The following VCL variants were observed in gnomAD, a reference collection of about 807,000 sequenced individuals.
The protein encoded by VCL is epididymis luminal protein 114.
A neutral mutation model predicts 125.7 loss-of-function variants in VCL; 47 were observed. The observed-to-expected ratio is 0.37, with a 90% CI of 0.30 to 0.48. The LOEUF (loss-of-function observed/expected upper bound fraction) is 0.48, where lower values mean the gene tolerates loss of function less well. Ranked by LOEUF, VCL falls within the 20% of genes least tolerant of loss-of-function variation. The pLI, the probability that VCL is intolerant of heterozygous loss-of-function variation, is 0.99. For missense variants in VCL, 1,069 were observed against 1,455.5 expected (o/e 0.73, Z 4.32); for synonymous variants, 458 against 514.6 (o/e 0.89, Z 1.49).
At chr10:74,013,407 TA>T (rs1221386320) in intron 1 of VCL, among the ~76,000 whole-genome samples, 2 of 152,170 alleles carry the variant, frequency 1.3e-5, no homozygotes, top group African/African-American at 4.8e-5. Flanking sequence ...TAAGTGTGAA[TA>T]AAAAAATAAA....
intron 10 of VCL, among the ~76,000 whole-genome samples, chr10:74,092,766 C>A (rs1839909069): frequency 1.3e-5 from 2 of 152,220 alleles, no homozygotes; most frequent in Admixed American, 1.3e-4. Flanking sequence ...AAAATGCAGA[C>A]CCCTTGACCC....
At chr10:74,078,285 TAGTA>T (rs1447016158) in intron 6 of VCL, among the ~76,000 whole-genome samples, 9 of 152,156 alleles carry the variant, frequency 5.9e-5, no homozygotes, top group Non-Finnish European at 1.3e-4. Flanking sequence ...TGGGTAAAAG[TAGTA>T]AGTGACTCAG....
intron 2 of VCL, among the ~76,000 whole-genome samples, chr10:74,051,357 T>C (rs950298041): frequency 3.3e-5 from 5 of 151,860 alleles, no homozygotes; most frequent in Admixed American, 6.6e-5. Flanking sequence ...CCGCCTCAGC[T>C]TCCCGAGTAG....
At chr10:74,111,622 G>T (rs1232780718) in intron 18 of VCL, among the ~76,000 whole-genome samples, 1 of 152,154 alleles carries the variant, frequency 6.6e-6, no homozygotes, top group African/African-American at 2.4e-5. Context: ...GTATATTAAA[G>T]AAATGGATGC....
rs187999797 is a variant in VCL at position 74,009,228 on chromosome 10, C to G, written c.168+10853C>G. On this transcript the variant is annotated intron_variant, in intron 1 of 21. Transcript: ENST00000211998. Reference sequence around the variant, plus strand: ...GTGGCTGCTGCTTTCCCCCCCCCCCCCCGAGCCATTTTAGTATTTAATTCT... The same window carrying G: ...GTGGCTGCTGCTTTCCCCCCCCCCCGCCGAGCCATTTTAGTATTTAATTCT... Among the ~76,000 whole-genome samples, 46 of 130,066 alleles carry G rather than the reference C, an allele frequency of 3.5e-4. 2 individuals carry two copies. The highest frequency in any genetic ancestry group is 2.1e-3 in the East Asian group (10 of 4,742). 85.3% of individuals were successfully genotyped at this position (130,066 alleles called of 152,430 possible). A position where few individuals can be genotyped will look rare whatever the true frequency, so the allele number is the denominator to read the frequency against.
chr10:74,093,191 G>C (rs1839915313), intron 10 of VCL, among the ~76,000 whole-genome samples: 1 of 152,082 alleles, frequency 6.6e-6, no homozygotes, highest in African/African-American at 2.4e-5. Context: ...TAGCTACTCA[G>C]GAGGCTGAGA....
At chr10:74,115,042 G>A (rs1840290946) in intron 21 of VCL, 143 bp downstream of exon 21, 3 of 879,946 alleles carry the variant, frequency 3.4e-6, no homozygotes, top group East Asian at 5.3e-5. Flanking sequence ...TCTCAGGAGG[G>A]GAAAGTCTGT....
At chr10:74,045,885 A>G (rs141899042) in intron 2 of VCL, among the ~76,000 whole-genome samples, 3,386 of 152,232 alleles carry the variant, frequency 0.022, 51 homozygotes, top group African/African-American at 0.039. Context: ...TATATTATAC[A>G]TATGTTTATT....
intron 2 of VCL, among the ~76,000 whole-genome samples, chr10:74,057,008 G>T (rs1024130579): frequency 1.3e-5 from 2 of 152,094 alleles, no homozygotes; most frequent in Non-Finnish European, 2.9e-5. Context: ...ACAGTGGCAT[G>T]ATCTTAGCTC....
At chr10:74,089,622 G>A (rs1839845046) in intron 9 of VCL, among the ~76,000 whole-genome samples, 1 of 152,182 alleles carries the variant, frequency 6.6e-6, no homozygotes, top group South Asian at 2.1e-4. Flanking sequence ...GAAGATTGCA[G>A]TACATTGGAA....
chr10:74,100,199 A>G (rs1840029740), intron 13 of VCL, among the ~76,000 whole-genome samples: 2 of 152,206 alleles, frequency 1.3e-5, no homozygotes, highest in African/African-American at 4.8e-5. Context: ...GCAAGAATCT[A>G]TTCTAACAAA....
chr10:74,064,229 A>G (rs1172905247), intron 2 of VCL, among the ~76,000 whole-genome samples: 2 of 152,170 alleles, frequency 1.3e-5, no homozygotes, highest in African/African-American at 2.4e-5. Flanking sequence ...GAAGAGATGC[A>G]TAGGGCAAGA....
intron 20 of VCL, 92 bp from the exon 21 acceptor site, chr10:74,114,703 C>A: frequency 7.4e-7 from 1 of 1,353,064 alleles, no homozygotes; most frequent in Non-Finnish European, 1.0e-6. Context: ...CTGTGCCAGC[C>A]ACTGGGAATA....
chr10:74,028,898 G>T (rs2136238847), intron 1 of VCL, among the ~76,000 whole-genome samples: 1 of 152,212 alleles, frequency 6.6e-6, no homozygotes, highest in Admixed American at 6.5e-5. Flanking sequence ...TTTAGGCTGG[G>T]CACAGTGGCT....
intron 1 of VCL, among the ~76,000 whole-genome samples, chr10:74,015,916 C>T (rs1167882249): frequency 6.6e-6 from 1 of 152,166 alleles, no homozygotes; most frequent in Non-Finnish European, 1.5e-5. Context: ...AACTCCTGAC[C>T]TCAAGTGACC....
At chr10:74,007,952 AC>A (rs1428941966) in intron 1 of VCL, among the ~76,000 whole-genome samples, 1 of 151,802 alleles carries the variant, frequency 6.6e-6, no homozygotes, top group East Asian at 1.9e-4. Context: ...ACAGGCACCC[AC>A]CACCATGGAC....
intron 8 of VCL, among the ~76,000 whole-genome samples, chr10:74,087,585 C>T (rs1353986979): frequency 7.1e-6 from 1 of 141,482 alleles, no homozygotes; most frequent in Non-Finnish European, 1.5e-5. Context: ...TGGTCTCGAT[C>T]TCGTGACCTC....
intron 14 of VCL, among the ~76,000 whole-genome samples, chr10:74,103,512 TGACA>T (rs1840090297): frequency 6.6e-6 from 1 of 152,240 alleles, no homozygotes; most frequent in South Asian, 2.1e-4. Flanking sequence ...ATGGAAGAGT[TGACA>T]TCAAGTGTTT....
chr10:74,109,554 C>T (rs188001148), intron 18 of VCL, among the ~76,000 whole-genome samples: 38 of 147,660 alleles, frequency 2.6e-4, no homozygotes, highest in African/African-American at 9.6e-4. Flanking sequence ...TGTGCTAAAG[C>T]TAGATGAAAT....
Sources: allele counts gnomAD v4.1 joint callset (sites outside exome capture counted in the v4.1 genomes callset), GRCh38; gene constraint gnomAD v4.1.1; transcripts MANE v1.5; gene names NCBI Gene and HGNC (gene_info 2026-07-23, HGNC 2026-07-21).